NEDD4L: variants seen among roughly 807,000 people sequenced by gnomAD.
NEDD4L encodes the protein E3 ubiquitin-protein ligase NEDD4-like.
Under a neutral mutation model 148.9 loss-of-function variants are expected in NEDD4L, and 54 were observed. The ratio of observed to expected loss-of-function variants is 0.36; its 90% CI spans 0.29 to 0.45. The LOEUF (loss-of-function observed/expected upper bound fraction) is 0.45. NEDD4L is among the 20% of genes least tolerant of loss of function. NEDD4L has a pLI of 1.00. For missense variants in NEDD4L, 856 were observed against 1,233.8 expected, an observed-to-expected ratio of 0.69 and a Z score of 4.59; for synonymous variants, 433 against 440.7, an observed-to-expected ratio of 0.98 and a Z score of 0.22.
At chr18:58,047,259 A>T in intron 1 of NEDD4L, 1 of 985,076 alleles carries the variant, frequency 1.0e-6, no homozygotes, top group South Asian at 4.7e-5. Flanking sequence ...TGACCTCATA[A>T]ATCTTTTAGC....
At chr18:58,132,639 A>T (rs957616624) in intron 1 of NEDD4L, among the ~76,000 whole-genome samples, 5 of 152,188 alleles carry the variant, frequency 3.3e-5, no homozygotes, top group Admixed American at 1.3e-4. Context: ...TTAATGAGTT[A>T]ATGAATGTAT....
chr18:58,390,463 A>T (rs2049661499), intron 28 of NEDD4L, 183 bp from the exon 29 acceptor site: 1 of 504,440 alleles, frequency 2.0e-6, no homozygotes, highest in South Asian at 3.6e-5. Context: ...GTGATCACTC[A>T]GTCTCTTAGA....
chr18:58,141,460 T>C (rs4941339), intron 1 of NEDD4L, among the ~76,000 whole-genome samples: 49,805 of 152,024 alleles, frequency 0.33, 8,411 homozygotes, highest in Non-Finnish European at 0.37. Flanking sequence ...AAAATGTTGA[T>C]TCCTTTGAAA....
At chr18:58,082,837 C>T (rs1047926453) in intron 1 of NEDD4L, among the ~76,000 whole-genome samples, 2 of 150,972 alleles carry the variant, frequency 1.3e-5, no homozygotes, top group African/African-American at 2.4e-5. Flanking sequence ...GATTGCAAAG[C>T]GTCCCATCGT....
At chr18:58,080,072 G>C (rs753569342) in intron 1 of NEDD4L, among the ~76,000 whole-genome samples, 1 of 152,112 alleles carries the variant, frequency 6.6e-6, no homozygotes, top group African/African-American at 2.4e-5. Flanking sequence ...GTTGCCATGC[G>C]TAACACCGTG....
chr18:58,307,559 G>A (rs889462897), intron 5 of NEDD4L, among the ~76,000 whole-genome samples: 1 of 152,134 alleles, frequency 6.6e-6, no homozygotes, highest in Non-Finnish European at 1.5e-5. Context: ...CTAGTTCAGA[G>A]TCTTCAGTAA....
intron 5 of NEDD4L, 100 bp downstream of exon 5, chr18:58,252,154 A>G: frequency 1.3e-6 from 1 of 777,710 alleles, no homozygotes; most frequent in Non-Finnish European, 2.3e-6. Context: ...TACTTAGGAC[A>G]GTATATGTGC....
chr18:58,052,692 A>C (rs1397194415), intron 1 of NEDD4L, among the ~76,000 whole-genome samples: 1 of 151,168 alleles, frequency 6.6e-6, no homozygotes, highest in Admixed American at 6.6e-5. Context: ...GTGGCCACCC[A>C]TGGTGGCTCA....
intron 5 of NEDD4L, among the ~76,000 whole-genome samples, chr18:58,253,959 G>A (rs1600273858): frequency 6.6e-6 from 1 of 151,236 alleles, no homozygotes; most frequent in East Asian, 1.9e-4. Flanking sequence ...CATCTGCAGT[G>A]TGGTTACTAT....
intron 2 of NEDD4L, among the ~76,000 whole-genome samples, chr18:58,184,117 C>G (rs571952974): frequency 6.6e-6 from 1 of 152,076 alleles, no homozygotes; most frequent in Non-Finnish European, 1.5e-5. Flanking sequence ...TGCAGTGACC[C>G]GAGATCGCGC....
At chr18:58,152,193 A>G (rs2034864947) in intron 1 of NEDD4L, among the ~76,000 whole-genome samples, 1 of 152,172 alleles carries the variant, frequency 6.6e-6, no homozygotes, top group South Asian at 2.1e-4. Context: ...ACCTCTGTTA[A>G]TATGTGTGTG....
At chr18:58,049,648 T>C (rs981656441) in intron 1 of NEDD4L, among the ~76,000 whole-genome samples, 2 of 152,196 alleles carry the variant, frequency 1.3e-5, no homozygotes, top group Non-Finnish European at 2.9e-5. Flanking sequence ...TAAAATCAGT[T>C]TTTAAAATTC....
intron 5 of NEDD4L, among the ~76,000 whole-genome samples, chr18:58,270,332 T>C (rs1217822757): frequency 6.6e-6 from 1 of 152,188 alleles, no homozygotes; most frequent in African/African-American, 2.4e-5. Flanking sequence ...CGCACAGAAG[T>C]GTGGTAGCGG....
chr18:58,118,771 C>T (rs1182764972), intron 1 of NEDD4L, among the ~76,000 whole-genome samples: 5 of 152,162 alleles, frequency 3.3e-5, no homozygotes, highest in Non-Finnish European at 5.9e-5. Context: ...AGGAAGGACA[C>T]ACTTTCTCCC....
chr18:58,340,149 A>G (rs2042245253), intron 13 of NEDD4L, among the ~76,000 whole-genome samples: 1 of 152,164 alleles, frequency 6.6e-6, no homozygotes, highest in South Asian at 2.1e-4. Context: ...TATGCATTCA[A>G]GCCCTCCTGG....
chr18:58,284,347 T>C (rs1192306293), intron 5 of NEDD4L, among the ~76,000 whole-genome samples: 1 of 145,756 alleles, frequency 6.9e-6, no homozygotes, highest in Non-Finnish European at 1.5e-5. Context: ...CTGTTGTTGA[T>C]TTTTTTTTCC....
intron 25 of NEDD4L, among the ~76,000 whole-genome samples, chr18:58,383,849 T>G (rs761601143): frequency 6.6e-6 from 1 of 152,250 alleles, no homozygotes; most frequent in Non-Finnish European, 1.5e-5. Flanking sequence ...GTTGAGTCTT[T>G]TTGGAAGTCT....
intron 2 of NEDD4L, among the ~76,000 whole-genome samples, chr18:58,197,432 G>A (rs1171852794): frequency 2.6e-5 from 4 of 152,064 alleles, no homozygotes; most frequent in East Asian, 3.9e-4. Context: ...AGACACCCCC[G>A]TTTGCTTCTG....
At chr18:58,084,975 G>A (rs1226219465) in intron 1 of NEDD4L, among the ~76,000 whole-genome samples, 1 of 151,872 alleles carries the variant, frequency 6.6e-6, no homozygotes, top group Non-Finnish European at 1.5e-5. Flanking sequence ...GATTGCAGGT[G>A]TGAGCCACTG....
Sources: allele counts gnomAD v4.1 joint callset (sites outside exome capture counted in the v4.1 genomes callset), GRCh38; gene constraint gnomAD v4.1.1; transcripts MANE v1.5; gene names NCBI Gene and HGNC (gene_info 2026-07-23, HGNC 2026-07-21).